The following PCDH15 variants were observed in gnomAD, a reference collection of about 807,000 sequenced individuals.
PCDH15 encodes protocadherin related 15.
Under a neutral mutation model 178.5 loss-of-function variants are expected in PCDH15, and 129 were observed. That is an observed-to-expected ratio of 0.72 (90% CI 0.63 to 0.84). The LOEUF (loss-of-function observed/expected upper bound fraction) is 0.84, where lower values mean the gene tolerates loss of function less well. Ranked by LOEUF, PCDH15 falls within the 40% of genes least tolerant of loss-of-function variation. The pLI is 0.00. For synonymous variants in PCDH15, 800 were observed against 732.0 expected (o/e 1.09, Z -1.50); for missense variants, 2,230 against 2,099.9 (o/e 1.06, Z -1.21).
intron 1 of PCDH15, among the ~76,000 whole-genome samples, chr10:55,256,354 C>G (rs898286976): frequency 6.6e-6 from 1 of 152,164 alleles, no homozygotes; most frequent in African/African-American, 2.4e-5. Context: ...GTTCATCTCA[C>G]TGGGGAGTGT....
At chr10:53,976,812 G>T (rs2610896) in intron 21 of PCDH15, among the ~76,000 whole-genome samples, 71,241 of 151,410 alleles carry the variant, frequency 0.47, 16,971 homozygotes, top group Middle Eastern at 0.64. Context: ...AATAAACATA[G>T]AAATTAACCT....
At chr10:53,838,238 G>C (rs537994780) in intron 29 of PCDH15, among the ~76,000 whole-genome samples, 136 of 152,142 alleles carry the variant, frequency 8.9e-4, no homozygotes, top group Middle Eastern at 3.4e-3. Flanking sequence ...GCCTCCCAAA[G>C]TGCTGGGATT....
chr10:55,528,318 C>T (rs1245526593), intron 2 of PCDH15, among the ~76,000 whole-genome samples: 2 of 151,856 alleles, frequency 1.3e-5, no homozygotes, highest in Non-Finnish European at 2.9e-5. Flanking sequence ...TGTTGGTGTG[C>T]TGCACCCATT....
chr10:55,174,984 C>T (rs932884162), intron 1 of PCDH15, among the ~76,000 whole-genome samples: 4 of 152,068 alleles, frequency 2.6e-5, no homozygotes, highest in Non-Finnish European at 5.9e-5. Context: ...TGTTATGTTA[C>T]TTTTGACTAC....
chr10:54,841,121 C>T (rs370604247), intron 3 of PCDH15, among the ~76,000 whole-genome samples: 1 of 151,676 alleles, frequency 6.6e-6, no homozygotes, highest in Non-Finnish European at 1.5e-5. Context: ...ATATAAGTTC[C>T]TCTCAACTGT....
At chr10:53,941,439 A>C (rs1160163699) in intron 23 of PCDH15, among the ~76,000 whole-genome samples, 1 of 152,074 alleles carries the variant, frequency 6.6e-6, no homozygotes, top group East Asian at 1.9e-4. Flanking sequence ...ACCTTTTCAG[A>C]TTGCCTTCTT....
chr10:54,750,684 T>C (rs969105595), intron 1 of PCDH15, among the ~76,000 whole-genome samples: 4 of 152,146 alleles, frequency 2.6e-5, no homozygotes, highest in African/African-American at 9.6e-5. Context: ...ATATACATTG[T>C]ATTCAAAATA....
intron 28 of PCDH15, among the ~76,000 whole-genome samples, chr10:53,843,106 G>T (rs1045153067): frequency 6.6e-6 from 1 of 152,104 alleles, no homozygotes; most frequent in African/African-American, 2.4e-5. Flanking sequence ...ATGAATAAAA[G>T]AAGTCTAAAA....
chr10:54,236,986 G>A, intron 8 of PCDH15, 55 bp from the exon 9 acceptor site: 1 of 1,391,792 alleles, frequency 7.2e-7, no homozygotes, highest in Non-Finnish European at 1.0e-6. Flanking sequence ...ACTTCATGAA[G>A]GATTGAGACA....
At chr10:55,622,113 AT>A (rs1837411505) in intron 2 of PCDH15, among the ~76,000 whole-genome samples, 1 of 64,512 alleles carries the variant, frequency 1.6e-5, no homozygotes, top group African/African-American at 5.9e-5. Context: ...TATTATATAT[AT>A]CTATAAATAT....
chr10:55,406,975 C>T (rs1565106438), intron 2 of PCDH15, among the ~76,000 whole-genome samples: 1 of 151,934 alleles, frequency 6.6e-6, no homozygotes, highest in Non-Finnish European at 1.5e-5. Context: ...TACACGATGC[C>T]AAATGTTTAT....
intron 1 of PCDH15, among the ~76,000 whole-genome samples, chr10:55,289,359 G>A (rs1442239122): frequency 6.6e-6 from 1 of 151,314 alleles, no homozygotes; most frequent in South Asian, 2.1e-4. Context: ...CAGAAAGAAG[G>A]CAGGAAGGGA....
chr10:53,982,339 TA>T (rs1258189970), intron 21 of PCDH15, among the ~76,000 whole-genome samples: 1 of 152,162 alleles, frequency 6.6e-6, no homozygotes, highest in Non-Finnish European at 1.5e-5. Context: ...CAAAGAATTA[TA>T]AATCATTCTG....
chr10:54,821,035 A>G (rs1003519540), intron 3 of PCDH15, among the ~76,000 whole-genome samples: 1 of 152,100 alleles, frequency 6.6e-6, no homozygotes, highest in African/African-American at 2.4e-5. Flanking sequence ...TCTTAATACG[A>G]CTATCAATTC....
chr10:53,848,911 C>A (rs11003880), intron 28 of PCDH15, among the ~76,000 whole-genome samples: 41,330 of 151,708 alleles, frequency 0.27, 7,778 homozygotes, highest in East Asian at 0.74. Flanking sequence ...ACATATTTAT[C>A]TTTGATTTAA....
intron 3 of PCDH15, among the ~76,000 whole-genome samples, chr10:54,853,366 C>T (rs12355485): frequency 2.2e-5 from 3 of 137,088 alleles, no homozygotes; most frequent in Admixed American, 7.5e-5. Context: ...TACACACACA[C>T]ATATATATAT....
At chr10:54,767,730 C>T in intron 1 of PCDH15, among the ~76,000 whole-genome samples, 1 of 152,148 alleles carries the variant, frequency 6.6e-6, no homozygotes, top group African/African-American at 2.4e-5. Flanking sequence ...ATAGGAAAAG[C>T]ACCAACAAAT....
At chr10:55,251,754 T>G (rs1232438757) in intron 1 of PCDH15, among the ~76,000 whole-genome samples, 8 of 152,150 alleles carry the variant, frequency 5.3e-5, no homozygotes, top group African/African-American at 1.7e-4. Context: ...AAAAAGTTAT[T>G]TTTGTCAGGA....
In PCDH15 at chr10:55,584,357, TA is replaced by T. The variant is rs5785145; in HGVS notation, c.-156+43267del. Among the ~76,000 whole-genome samples the T allele has an allele frequency of 6.8e-4, 100 of 146,996 alleles. 1 individual carries two copies. Among genetic ancestry groups the T allele is most frequent in the Admixed American group, 4.0e-3 (58 of 14,672 alleles). ...GGAATTTTAATTCTGGAAGTTTCCT[TA>T]AAAAAAAAAAATCAATTAGGCCAGG... On this transcript the variant is annotated intron_variant, in intron 2 of 5. Transcript: ENST00000613346.
Sources: allele counts gnomAD v4.1 joint callset (sites outside exome capture counted in the v4.1 genomes callset), GRCh38; gene constraint gnomAD v4.1.1; transcripts MANE v1.5; gene names NCBI Gene and HGNC (gene_info 2026-07-23, HGNC 2026-07-21).